DNAL1: variants seen among roughly 807,000 people sequenced by gnomAD.
DNAL1 encodes chromosome 14 open reading frame 168.
A neutral mutation model predicts 29.4 loss-of-function variants in DNAL1; 17 were observed. That is an observed-to-expected ratio of 0.58 (90% CI 0.40 to 0.87). The LOEUF (loss-of-function observed/expected upper bound fraction) is 0.87, where lower values mean the gene tolerates loss of function less well. DNAL1 is among the 40% of genes least tolerant of loss of function. The pLI is 0.00. For synonymous variants in DNAL1, 78 were observed against 76.3 expected, an observed-to-expected ratio of 1.02 and a Z score of -0.12; for missense variants, 188 against 214.1, an observed-to-expected ratio of 0.88 and a Z score of 0.76.
intron 1 of DNAL1, among the ~76,000 whole-genome samples, chr14:73,653,495 G>A (rs1237807147): frequency 6.6e-6 from 1 of 151,886 alleles, no homozygotes; most frequent in Non-Finnish European, 1.5e-5. Context: ...AGGACTATAG[G>A]CATACACCAC....
At chr14:73,684,321 G>A (rs1367147214) in intron 5 of DNAL1, among the ~76,000 whole-genome samples, 1 of 152,126 alleles carries the variant, frequency 6.6e-6, no homozygotes, top group Admixed American at 6.6e-5. Context: ...ACCCTGTAGT[G>A]AGATTGCTGA....
chr14:73,689,028 T>A (rs1329237903), intron 6 of DNAL1, among the ~76,000 whole-genome samples: 1 of 13,158 alleles, frequency 7.6e-5, no homozygotes, highest in East Asian at 0.022. Context: ...AACTTGCTGT[T>A]TTTTTTTTTT....
rs1433804566 is a variant in DNAL1 at position 73,699,415 on chromosome 14, T to G, written c.*3473T>G. 6.6e-6 allele frequency: 1 copy of G among 151,954 alleles called. No individual in the cohort carries two copies. Among genetic ancestry groups the G allele is most frequent in the Non-Finnish European group, 1.5e-5 (1 of 68,002 alleles). The allele number at this position is 151,954 out of a possible 1,614,324, so 9.4% of individuals were successfully genotyped here. Reference sequence around the variant, plus strand: ...CCGTCTCCCGGGTTCAAGCAATTCTTCTGCCTCCGCCTCCCAAGTAGCTGG... The same window carrying G: ...CCGTCTCCCGGGTTCAAGCAATTCTGCTGCCTCCGCCTCCCAAGTAGCTGG... On this transcript the variant is annotated 3_prime_UTR_variant, in exon 8 of 8. Coordinates refer to ENST00000553645, the MANE Select transcript of DNAL1 (RefSeq NM_031427.4).
chr14:73,658,557 T>C (rs1891267393), intron 2 of DNAL1, among the ~76,000 whole-genome samples: 1 of 152,222 alleles, frequency 6.6e-6, no homozygotes, highest in African/African-American at 2.4e-5. Context: ...TGCATTTGTT[T>C]GTGTCATTTT....
chr14:73,690,114 G>T (rs1470273447), intron 7 of DNAL1, among the ~76,000 whole-genome samples: 1 of 151,842 alleles, frequency 6.6e-6, no homozygotes, highest in African/African-American at 2.4e-5. Flanking sequence ...GCACGTTTCT[G>T]TAGTCAAGCT....
At chr14:73,676,467 T>G (rs74662892) in intron 5 of DNAL1, among the ~76,000 whole-genome samples, 2,049 of 152,274 alleles carry the variant, frequency 0.013, 41 homozygotes, top group African/African-American at 0.046. Flanking sequence ...TGTGTCATAT[T>G]GTTTGTTCTG....
At chr14:73,678,806 T>C (rs891780121) in intron 5 of DNAL1, among the ~76,000 whole-genome samples, 2 of 152,130 alleles carry the variant, frequency 1.3e-5, no homozygotes, top group African/African-American at 2.4e-5. Flanking sequence ...ATACTATGCA[T>C]TGAGGAAAAA....
chr14:73,645,073 C>G (rs937499043), intron 1 of DNAL1, 31 bp downstream of exon 1: 7 of 1,605,026 alleles, frequency 4.4e-6, no homozygotes, highest in Non-Finnish European at 6.0e-6. Flanking sequence ...GTAGCCAAAG[C>G]TGAGAGAAGA....
At chr14:73,671,410 A>T in intron 4 of DNAL1, 132 bp from the exon 5 acceptor site, 1 of 1,026,784 alleles carries the variant, frequency 9.7e-7, no homozygotes, top group Non-Finnish European at 1.3e-6. Context: ...CATTTTTGTT[A>T]ACACAACCTT....
Position 73,703,277 on chromosome 14 carries a change from A to G in DNAL1, c.*7335A>G, listed in dbSNP as rs369569321. The G allele has an allele frequency of 9.8e-5, 15 of 152,318 alleles. No homozygotes were observed. The East Asian group carries it at 2.9e-3, about 29-fold the overall frequency. 9.4% of individuals were successfully genotyped at this position (152,318 alleles called of 1,614,324 possible). On this transcript the variant is annotated 3_prime_UTR_variant, in exon 8 of 8. Coordinates refer to ENST00000553645, the MANE Select transcript of DNAL1 (RefSeq NM_031427.4). Reference sequence around the variant, plus strand: ...TATATGTATTGCATTGAATATATATATACGCATGTAGATACATACAATTGT... The same window carrying G: ...TATATGTATTGCATTGAATATATATGTACGCATGTAGATACATACAATTGT...
rs372867813 is a variant in DNAL1, at chr14:73,695,974, T to C, written c.*32T>C. On this transcript the variant is annotated 3_prime_UTR_variant, in exon 8 of 8. Coordinates refer to ENST00000553645, the MANE Select transcript of DNAL1 (RefSeq NM_031427.4). ...GCTTTCCACTGTGTGTTAACTTATT[T>C]AAATGTCATAAGAACAATAGATAAA... 306 of 1,548,398 alleles carry C rather than the reference T, an allele frequency of 2.0e-4. No individual in the cohort carries two copies. In the Middle Eastern group the frequency reaches 2.5e-3, roughly 13 times the overall value.
chr14:73,670,228 T>C (rs1002381388), intron 4 of DNAL1, among the ~76,000 whole-genome samples: 8 of 152,230 alleles, frequency 5.3e-5, no homozygotes, highest in Non-Finnish European at 7.3e-5. Flanking sequence ...ATGGATGTTA[T>C]AGAACAATGT....
At chr14:73,688,123 A>G (rs959677260) in intron 6 of DNAL1, among the ~76,000 whole-genome samples, 1 of 152,236 alleles carries the variant, frequency 6.6e-6, no homozygotes, top group African/African-American at 2.4e-5. Flanking sequence ...GTTTAAATTT[A>G]ATACTTCAAA....
intron 3 of DNAL1, among the ~76,000 whole-genome samples, chr14:73,661,762 G>T (rs1019110487): frequency 6.6e-6 from 1 of 151,918 alleles, no homozygotes; most frequent in Admixed American, 6.6e-5. Context: ...AAAAAAAATT[G>T]TTAATACCAT....
chr14:73,677,765 G>C (rs1891774656), intron 5 of DNAL1, among the ~76,000 whole-genome samples: 2 of 150,728 alleles, frequency 1.3e-5, no homozygotes, highest in African/African-American at 4.9e-5. Context: ...CACCGTGTTA[G>C]CCAGGATGGT....
intron 1 of DNAL1, among the ~76,000 whole-genome samples, chr14:73,652,750 A>G (rs1175054553): frequency 6.6e-6 from 1 of 152,102 alleles, no homozygotes; most frequent in Non-Finnish European, 1.5e-5. Context: ...GTACTTTGCC[A>G]AATGTGTGAA....
intron 4 of DNAL1, among the ~76,000 whole-genome samples, chr14:73,666,424 TTACTC>T (rs1891481780): frequency 6.6e-6 from 1 of 151,876 alleles, no homozygotes; most frequent in Admixed American, 6.6e-5. Context: ...AAACTATACT[TTACTC>T]CTTCAGGTTA....
At chr14:73,647,990 C>G (rs1225236997) in intron 1 of DNAL1, among the ~76,000 whole-genome samples, 4 of 151,880 alleles carry the variant, frequency 2.6e-5, no homozygotes, top group African/African-American at 7.3e-5. Context: ...CTTGTTTGTT[C>G]GTTTTGATAC....
chr14:73,667,032 C>T (rs924630797), intron 4 of DNAL1, among the ~76,000 whole-genome samples: 1 of 151,854 alleles, frequency 6.6e-6, no homozygotes, highest in South Asian at 2.1e-4. Context: ...ATGCTGATGG[C>T]TCCCACATTT....
Sources: gnomAD v4.1 joint callset for allele counts (sites outside exome capture counted in the v4.1 genomes callset) on GRCh38, gnomAD v4.1.1 for gene constraint, MANE v1.5 for transcripts, NCBI Gene and HGNC (gene_info 2026-07-23, HGNC 2026-07-21) for gene names.